Variants in FHIT observed in about 807,000 individuals in gnomAD.
FHIT encodes fragile histidine triad diadenosine triphosphatase, also known as bis(5'-adenosyl)-triphosphatase.
Under a neutral mutation model 17.9 loss-of-function variants are expected in FHIT, and 19 were observed. That is an observed-to-expected ratio of 1.06 (90% CI 0.74 to 1.56). The LOEUF (loss-of-function observed/expected upper bound fraction) is 1.56. Ranked by LOEUF, FHIT falls within the 40% of genes most tolerant of loss-of-function variation. FHIT has a pLI of 0.00. For synonymous variants in FHIT, 81 were observed against 69.7 expected (o/e 1.16, Z -0.81); for missense variants, 248 against 189.2 (o/e 1.31, Z -1.82).
At chr3:59,955,521 C>T (rs650696) in intron 7 of FHIT, among the ~76,000 whole-genome samples, 4 of 152,156 alleles carry the variant, frequency 2.6e-5, no homozygotes, top group South Asian at 2.1e-4. Flanking sequence ...TTTTATATCC[C>T]TAGCTCCCAC....
At chr3:60,544,787 G>A (rs957868377) in intron 4 of FHIT, among the ~76,000 whole-genome samples, 1 of 151,840 alleles carries the variant, frequency 6.6e-6, no homozygotes, top group African/African-American at 2.4e-5. Flanking sequence ...AGTAGAGACA[G>A]TGTTTTACCA....
At chr3:60,499,386 A>G (rs1472807759) in intron 5 of FHIT, among the ~76,000 whole-genome samples, 2 of 151,868 alleles carry the variant, frequency 1.3e-5, no homozygotes, top group South Asian at 2.1e-4. Context: ...ACCATGCTTC[A>G]CCCCCACAGG....
At chr3:60,990,980 GA>G (rs2030156313) in intron 3 of FHIT, among the ~76,000 whole-genome samples, 1 of 152,096 alleles carries the variant, frequency 6.6e-6, no homozygotes, top group Non-Finnish European at 1.5e-5. Flanking sequence ...GACAATGAGG[GA>G]AAACAGACAA....
chr3:60,171,250 T>C (rs995170193), intron 5 of FHIT, among the ~76,000 whole-genome samples: 8 of 152,326 alleles, frequency 5.3e-5, no homozygotes, highest in African/African-American at 1.7e-4. Context: ...TCCTGGAAAT[T>C]ACTTTTTACT....
At chr3:59,867,778 T>A (rs941207579) in intron 8 of FHIT, among the ~76,000 whole-genome samples, 1 of 152,010 alleles carries the variant, frequency 6.6e-6, no homozygotes, top group Non-Finnish European at 1.5e-5. Flanking sequence ...TCACTCTAGA[T>A]TATAGAGGAC....
chr3:60,775,380 T>C (rs782685996), intron 4 of FHIT, among the ~76,000 whole-genome samples: 14 of 152,120 alleles, frequency 9.2e-5, no homozygotes, highest in Non-Finnish European at 1.9e-4. Context: ...AATTTCATCA[T>C]GTTTGCAGCG....
At chr3:60,279,885 A>G (rs1365094268) in intron 5 of FHIT, among the ~76,000 whole-genome samples, 1 of 152,014 alleles carries the variant, frequency 6.6e-6, no homozygotes, top group African/African-American at 2.4e-5. Flanking sequence ...CAAAAAAATT[A>G]GCCAGGTATG....
chr3:60,966,368 C>T (rs556863006), intron 3 of FHIT, among the ~76,000 whole-genome samples: 2 of 152,326 alleles, frequency 1.3e-5, no homozygotes, highest in East Asian at 3.9e-4. Flanking sequence ...AAGGGAATTC[C>T]CCAACCCCTT....
At chr3:59,923,002 G>C (rs1705481861) in intron 7 of FHIT, among the ~76,000 whole-genome samples, 1 of 152,188 alleles carries the variant, frequency 6.6e-6, no homozygotes, top group East Asian at 1.9e-4. Context: ...GCTCATGCCT[G>C]TAATCCCAGC....
chr3:60,701,385 A>G (rs2041242997), intron 4 of FHIT, among the ~76,000 whole-genome samples: 2 of 152,146 alleles, frequency 1.3e-5, no homozygotes. Context: ...AGCAGGCTGT[A>G]TGGGAGACGG....
chr3:61,028,960 T>G (rs2032874437), intron 3 of FHIT, among the ~76,000 whole-genome samples: 1 of 150,740 alleles, frequency 6.6e-6, no homozygotes, highest in African/African-American at 2.4e-5. Context: ...GGTAGTAGAA[T>G]ATTCCTGGAG....
At chr3:60,559,410 G>T (rs2036853937) in intron 4 of FHIT, among the ~76,000 whole-genome samples, 1 of 152,194 alleles carries the variant, frequency 6.6e-6, no homozygotes, top group Non-Finnish European at 1.5e-5. Context: ...CGCACTCTCA[G>T]TTACAGCTAA....
At chr3:60,164,790 A>C (rs1470254205) in intron 5 of FHIT, among the ~76,000 whole-genome samples, 1 of 152,220 alleles carries the variant, frequency 6.6e-6, no homozygotes, top group African/African-American at 2.4e-5. Flanking sequence ...TCTAAAGCTA[A>C]GAGAGTACAT....
chr3:61,233,499 T>C (rs1055275575), intron 1 of FHIT, among the ~76,000 whole-genome samples: 2 of 152,214 alleles, frequency 1.3e-5, no homozygotes, highest in Non-Finnish European at 2.9e-5. Context: ...ATCTACCAGG[T>C]ACTAGGCACT....
chr3:60,582,406 A>T (rs1553659977), intron 4 of FHIT, among the ~76,000 whole-genome samples: 3 of 152,102 alleles, frequency 2.0e-5, no homozygotes, highest in Non-Finnish European at 2.9e-5. Context: ...AGTCTATTTT[A>T]ACAGAAAATT....
intron 4 of FHIT, among the ~76,000 whole-genome samples, chr3:60,594,414 T>A (rs1457976645): frequency 6.6e-6 from 1 of 152,116 alleles, no homozygotes; most frequent in Non-Finnish European, 1.5e-5. Flanking sequence ...ACCACAACTT[T>A]TGCAGCCATC....
intron 1 of FHIT, among the ~76,000 whole-genome samples, chr3:61,212,448 G>A (rs2039513409): frequency 6.6e-6 from 1 of 152,138 alleles, no homozygotes; most frequent in African/African-American, 2.4e-5. Flanking sequence ...GAGAAGTTTA[G>A]AGAAAAAATA....
intron 4 of FHIT, among the ~76,000 whole-genome samples, chr3:60,710,648 A>G (rs1298996373): frequency 6.6e-6 from 1 of 152,176 alleles, no homozygotes; most frequent in African/African-American, 2.4e-5. Context: ...AGGGTCCTAC[A>G]CCCACGGAGT....
chr3:60,929,647 A>G (rs1394762467), intron 3 of FHIT, among the ~76,000 whole-genome samples: 3 of 152,152 alleles, frequency 2.0e-5, no homozygotes, highest in Non-Finnish European at 4.4e-5. Context: ...TAGGAATCCA[A>G]CTTACAAGGG....
Sources: allele counts gnomAD v4.1 joint callset (sites outside exome capture counted in the v4.1 genomes callset), GRCh38; gene constraint gnomAD v4.1.1; transcripts MANE v1.5; gene names NCBI Gene and HGNC (gene_info 2026-07-23, HGNC 2026-07-21).